Variants in JPH3 observed in about 807,000 individuals in gnomAD.
JPH3 encodes the protein junctophilin 3.
A neutral mutation model predicts 59.6 loss-of-function variants in JPH3; 11 were observed. The ratio of observed to expected loss-of-function variants is 0.18; its 90% CI spans 0.12 to 0.31. JPH3 has a LOEUF of 0.31. Among genes scored for constraint, JPH3 ranks in the 10% least tolerant of loss-of-function variants. The pLI is 1.00. For synonymous variants in JPH3, 673 were observed against 483.6 expected (o/e 1.39, Z -5.14); for missense variants, 1,202 against 1,105.7 (o/e 1.09, Z -1.24).
intron 1 of JPH3, among the ~76,000 whole-genome samples, chr16:87,613,316 G>A (rs1477239826): frequency 2.0e-5 from 3 of 151,404 alleles, no homozygotes; most frequent in Non-Finnish European, 4.4e-5. Context: ...AGCCAGGATG[G>A]TCTCGATCTC....
At chr16:87,645,106 C>G in intron 2 of JPH3, 71 bp downstream of exon 2, 1 of 1,465,624 alleles carries the variant, frequency 6.8e-7, no homozygotes. Flanking sequence ...TCTGTTCAGT[C>G]CTGCTGTCGC....
intron 2 of JPH3, among the ~76,000 whole-genome samples, chr16:87,676,037 C>T (rs561720922): frequency 2.6e-5 from 4 of 152,342 alleles, no homozygotes; most frequent in East Asian, 3.9e-4. Context: ...GGGTTTCTGT[C>T]GCAGGCGACG....
chr16:87,609,845 G>T lies in JPH3; in HGVS notation c.382+6317G>T, dbSNP rs147020356. On this transcript the variant is annotated intron_variant, in intron 1 of 4. Transcript: ENST00000284262. Reference sequence around the variant, plus strand: ...GAAGACAATTTTTCTACCGCCCAGGGTTGAGGGATGGTTTTGGGATGATTC... The same window carrying T: ...GAAGACAATTTTTCTACCGCCCAGGTTTGAGGGATGGTTTTGGGATGATTC... Among the ~76,000 whole-genome samples the T allele has an allele frequency of 1.3e-3, 192 of 152,268 alleles. 1 individual carries two copies. Among genetic ancestry groups the T allele is most frequent in the African/African-American group, 4.4e-3 (184 of 41,538 alleles).
intron 2 of JPH3, among the ~76,000 whole-genome samples, chr16:87,675,565 T>C (rs942841888): frequency 2.0e-5 from 3 of 152,240 alleles, no homozygotes; most frequent in Non-Finnish European, 4.4e-5. Flanking sequence ...ACAGCCGTGC[T>C]GTGGGAGGGC....
chr16:87,690,910 A>G (rs1474048990), intron 4 of JPH3, among the ~76,000 whole-genome samples: 1 of 152,130 alleles, frequency 6.6e-6, no homozygotes, highest in Non-Finnish European at 1.5e-5. Context: ...TGTGTCCTGG[A>G]TAGGAACCCA....
rs115100858 is a variant in JPH3, at chr16:87,664,630, A to C, written c.1161-19512A>C. Among the ~76,000 whole-genome samples the C allele has an allele frequency of 6.8e-3, 1,038 of 152,312 alleles. 19 individuals carry two copies. Among genetic ancestry groups the C allele is most frequent in the African/African-American group, 0.023 (971 of 41,554 alleles). On this transcript the variant is annotated intron_variant, in intron 2 of 4. Coordinates refer to ENST00000284262, the MANE Select transcript of JPH3 (RefSeq NM_020655.4). ...ACAAGAGTGAAACTCCGTCGCAAAA[A>C]ATAGTAATAATTCGTCCGTCTCCTC...
chr16:87,672,098 C>T (rs993988425), intron 2 of JPH3, among the ~76,000 whole-genome samples: 1 of 152,050 alleles, frequency 6.6e-6, no homozygotes, highest in Non-Finnish European at 1.5e-5. Context: ...GCGGGGTTCA[C>T]CTGCTATCCC....
At chr16:87,660,656 A>C (rs1462684637) in intron 2 of JPH3, among the ~76,000 whole-genome samples, 1 of 152,194 alleles carries the variant, frequency 6.6e-6, no homozygotes, top group Non-Finnish European at 1.5e-5. Flanking sequence ...CGCACCTCGC[A>C]GTGGACAGGT....
At chr16:87,665,689 A>G (rs1254436512) in intron 2 of JPH3, among the ~76,000 whole-genome samples, 2 of 152,144 alleles carry the variant, frequency 1.3e-5, no homozygotes, top group Admixed American at 6.5e-5. Flanking sequence ...GCACTCAACA[A>G]CCACGGCTCA....
chr16:87,658,230 C>G (rs527429619), intron 2 of JPH3, among the ~76,000 whole-genome samples: 1 of 152,260 alleles, frequency 6.6e-6, no homozygotes, highest in African/African-American at 2.4e-5. Context: ...CGCAGGGCTA[C>G]CAAACAGTGC....
intron 4 of JPH3, chr16:87,696,335 TC>T: frequency 1.8e-6 from 1 of 569,754 alleles, no homozygotes; most frequent in Non-Finnish European, 3.1e-6. Context: ...ACAAGGGAAT[TC>T]CAAGGGAATT....
At chr16:87,674,470 A>G (rs955409874) in intron 2 of JPH3, among the ~76,000 whole-genome samples, 2 of 152,250 alleles carry the variant, frequency 1.3e-5, no homozygotes, top group African/African-American at 2.4e-5. Flanking sequence ...GACATGAAAA[A>G]CAAGAGATAT....
At chr16:87,602,192 C>G (rs1417147330), upstream of JPH3, 1 of 151,640 alleles carries the variant, frequency 6.6e-6, no homozygotes, top group East Asian at 2.0e-4. Flanking sequence ...CTGAGTGCTG[C>G]GCGCCTTCCC....
intron 1 of JPH3, among the ~76,000 whole-genome samples, chr16:87,614,686 G>A (rs190937867): frequency 2.0e-4 from 29 of 143,390 alleles, no homozygotes; most frequent in East Asian, 1.7e-3. Context: ...GTGAGGAGCC[G>A]CGCGTCCCCT....
chr16:87,666,853 TAGCAGCC>T (rs1309856624), intron 2 of JPH3, among the ~76,000 whole-genome samples: 3 of 152,228 alleles, frequency 2.0e-5, no homozygotes, highest in African/African-American at 7.2e-5. Flanking sequence ...CACAGAGGCC[TAGCAGCC>T]TGCCTCGTCA....
At chr16:87,695,496 A>T (rs2033792858) in intron 4 of JPH3, 1 of 454,862 alleles carries the variant, frequency 2.2e-6, no homozygotes, top group Non-Finnish European at 4.4e-6. Context: ...TGGGGTCTAC[A>T]TCTCCTTCCA....
At chr16:87,686,745 T>TC (rs2033428283) in intron 3 of JPH3, among the ~76,000 whole-genome samples, 1 of 152,140 alleles carries the variant, frequency 6.6e-6, no homozygotes, top group Non-Finnish European at 1.5e-5. Context: ...AGGGCTCAGG[T>TC]CCCTGCAGGA....
intron 2 of JPH3, among the ~76,000 whole-genome samples, chr16:87,662,000 C>T (rs1307845824): frequency 6.6e-6 from 1 of 152,218 alleles, no homozygotes; most frequent in Non-Finnish European, 1.5e-5. Context: ...TATGTTAATT[C>T]AGGCGGCTAT....
chr16:87,606,494 G>C (rs992404531), intron 1 of JPH3, among the ~76,000 whole-genome samples: 1 of 152,166 alleles, frequency 6.6e-6, no homozygotes, highest in Admixed American at 6.5e-5. Flanking sequence ...CTGGGGGTGT[G>C]GGGTACAGGC....
Sources: allele counts gnomAD v4.1 joint callset (sites outside exome capture counted in the v4.1 genomes callset), GRCh38; gene constraint gnomAD v4.1.1; transcripts MANE v1.5; gene names NCBI Gene and HGNC (gene_info 2026-07-23, HGNC 2026-07-21).